Variants in EXOC6B observed in about 807,000 individuals in gnomAD.
EXOC6B encodes the protein exocyst complex component 6B.
EXOC6B carries 54 observed loss-of-function variants against 113.5 expected under a neutral mutation model. The observed-to-expected ratio is 0.48, with a 90% CI of 0.38 to 0.60. EXOC6B has a LOEUF of 0.60. EXOC6B is among the 20% of genes least tolerant of loss of function. EXOC6B has a pLI of 0.00. For synonymous variants in EXOC6B, 357 were observed against 339.0 expected (o/e 1.05, Z -0.58); for missense variants, 797 against 977.5 (o/e 0.82, Z 2.46).
At chr2:72,370,352 T>C (rs1362801645) in intron 19 of EXOC6B, among the ~76,000 whole-genome samples, 1 of 152,072 alleles carries the variant, frequency 6.6e-6, no homozygotes, top group Non-Finnish European at 1.5e-5. Flanking sequence ...CATTAAAAAG[T>C]CAGGAAACAA....
intron 18 of EXOC6B, among the ~76,000 whole-genome samples, chr2:72,417,449 T>C (rs1243805578): frequency 6.6e-6 from 1 of 152,218 alleles, no homozygotes; most frequent in Non-Finnish European, 1.5e-5. Context: ...TGAGCCACCA[T>C]GCCTGGCCAA....
At chr2:72,380,359 G>A (rs1691607512) in intron 18 of EXOC6B, among the ~76,000 whole-genome samples, 1 of 152,130 alleles carries the variant, frequency 6.6e-6, no homozygotes, top group South Asian at 2.1e-4. Flanking sequence ...AATAATTATG[G>A]CCAGGAGCGG....
chr2:72,597,089 T>C (rs1267905650), intron 6 of EXOC6B, among the ~76,000 whole-genome samples: 4 of 149,868 alleles, frequency 2.7e-5, no homozygotes, highest in Non-Finnish European at 4.5e-5. Flanking sequence ...TCTGGGATAA[T>C]GGAAATGTTT....
chr2:72,578,607 G>A (rs763437780), intron 6 of EXOC6B, among the ~76,000 whole-genome samples: 8 of 151,926 alleles, frequency 5.3e-5, no homozygotes, highest in Non-Finnish European at 1.2e-4. Context: ...AGTCAAACAC[G>A]TGTTAAAAGT....
intron 20 of EXOC6B, among the ~76,000 whole-genome samples, chr2:72,272,374 A>G (rs1684546646): frequency 6.6e-6 from 1 of 152,078 alleles, no homozygotes; most frequent in African/African-American, 2.4e-5. Context: ...ATTAAATCCA[A>G]TTATGGTAAT....
chr2:72,486,317 C>A (rs1427864552), intron 16 of EXOC6B, among the ~76,000 whole-genome samples: 2 of 151,174 alleles, frequency 1.3e-5, no homozygotes, highest in Non-Finnish European at 2.9e-5. Context: ...TGCACTGAAC[C>A]GAGATCAGGC....
chr2:72,308,425 A>AT (rs1317214320), intron 20 of EXOC6B, among the ~76,000 whole-genome samples: 1 of 152,248 alleles, frequency 6.6e-6, no homozygotes, highest in East Asian at 1.9e-4. Context: ...GATGAAATAA[A>AT]TAAGTAATGG....
At chr2:72,422,308 T>A (rs911510398) in intron 18 of EXOC6B, among the ~76,000 whole-genome samples, 1 of 152,206 alleles carries the variant, frequency 6.6e-6, no homozygotes, top group Non-Finnish European at 1.5e-5. Flanking sequence ...GTGGGGACGT[T>A]GGAGAGTCTT....
At chr2:72,783,457 T>G (rs1481440839) in intron 1 of EXOC6B, among the ~76,000 whole-genome samples, 1 of 151,172 alleles carries the variant, frequency 6.6e-6, no homozygotes, top group African/African-American at 2.4e-5. Context: ...CCTGAGTAGC[T>G]GGGATTACAG....
At chr2:72,645,139 C>T (rs1488407607) in intron 6 of EXOC6B, among the ~76,000 whole-genome samples, 1 of 152,068 alleles carries the variant, frequency 6.6e-6, no homozygotes, top group East Asian at 1.9e-4. Context: ...GGGTTGCAAT[C>T]CTAGTCTCCA....
intron 19 of EXOC6B, among the ~76,000 whole-genome samples, chr2:72,346,437 G>A (rs1689344404): frequency 6.6e-6 from 1 of 152,038 alleles, no homozygotes; most frequent in African/African-American, 2.4e-5. Flanking sequence ...GTTTTAAGAG[G>A]AATAAACCTA....
chr2:72,800,416 T>C (rs2105078646), intron 1 of EXOC6B, among the ~76,000 whole-genome samples: 1 of 152,308 alleles, frequency 6.6e-6, no homozygotes, highest in Middle Eastern at 3.4e-3. Flanking sequence ...AGTTATGCCA[T>C]TCTGCCTGTC....
chr2:72,665,762 A>G (rs1675346160), intron 6 of EXOC6B, among the ~76,000 whole-genome samples: 1 of 152,224 alleles, frequency 6.6e-6, no homozygotes, highest in Non-Finnish European at 1.5e-5. Flanking sequence ...TACGTAGCCC[A>G]CAGACTCTAT....
chr2:72,214,062 C>A (rs1244018033), intron 20 of EXOC6B, among the ~76,000 whole-genome samples: 1 of 152,156 alleles, frequency 6.6e-6, no homozygotes, highest in Non-Finnish European at 1.5e-5. Context: ...CCCACCACCC[C>A]ATAAAGCCCA....
At chr2:72,346,278 C>A (rs559264045) in intron 19 of EXOC6B, among the ~76,000 whole-genome samples, 2 of 152,058 alleles carry the variant, frequency 1.3e-5, no homozygotes, top group Non-Finnish European at 2.9e-5. Context: ...GCCACAAGCA[C>A]GAAGAGTCCT....
rs532184914 is a variant in EXOC6B at position 72,338,613 on chromosome 2, C to T, written c.2123-3593G>A. Among the ~76,000 whole-genome samples the T allele has an allele frequency of 6.8e-4, 104 of 152,068 alleles. 1 individual carries two copies. The highest frequency in any genetic ancestry group is 2.4e-3 in the African/African-American group (98 of 41,494). ...AAATAGGTATTTTGTAATTTTGTGA[C>T]TCAGTATGCCCTGGGAAACATGATT... is the stretch of plus-strand genomic sequence containing the variant. On this transcript the variant is annotated intron_variant, in intron 19 of 21. Transcript: ENST00000272427.
rs373753721 is a variant in EXOC6B at position 72,705,320 on chromosome 2, C to T, written c.669+12783G>A. Among the ~76,000 whole-genome samples the T allele has an allele frequency of 2.4e-4, 37 of 152,146 alleles. 1 individual carries two copies. In the South Asian group the frequency reaches 3.1e-3, roughly 13 times the overall value. On this transcript the variant is annotated intron_variant, in intron 6 of 21. Transcript: ENST00000272427. ...CTCAATAAATTAGGTATTGATGGGACGTATTTCAAAATAATAAGAGCTATC... is the reference window on the plus strand; with the variant it reads ...CTCAATAAATTAGGTATTGATGGGATGTATTTCAAAATAATAAGAGCTATC...
intron 18 of EXOC6B, among the ~76,000 whole-genome samples, chr2:72,431,491 A>ATCTATCTATCTATCTATCTATCTATCTC (rs1695523385): frequency 1.4e-5 from 2 of 144,138 alleles, no homozygotes; most frequent in African/African-American, 5.1e-5. Flanking sequence ...TTCTTTATCT[A>ATCTATCTATCTATCTATCTATCTATCTC]TCTATCTATC....
At chr2:72,272,678 A>G (rs1242323179) in intron 20 of EXOC6B, among the ~76,000 whole-genome samples, 1 of 152,148 alleles carries the variant, frequency 6.6e-6, no homozygotes, top group Non-Finnish European at 1.5e-5. Context: ...GGAAAAGAAC[A>G]CAAGATTAAA....
Sources: gnomAD v4.1 joint callset for allele counts (sites outside exome capture counted in the v4.1 genomes callset) on GRCh38, gnomAD v4.1.1 for gene constraint, MANE v1.5 for transcripts, NCBI Gene and HGNC (gene_info 2026-07-23, HGNC 2026-07-21) for gene names.